The following ZFHX3 variants were observed in gnomAD, a reference collection of about 807,000 sequenced individuals.
The protein encoded by ZFHX3 is zinc finger homeobox protein 3.
ZFHX3 carries 42 observed loss-of-function variants against 279.1 expected under a neutral mutation model. The ratio of observed to expected loss-of-function variants is 0.15; its 90% confidence interval spans 0.12 to 0.19. The LOEUF is 0.19. Among genes scored for constraint, ZFHX3 ranks in the 10% least tolerant of loss-of-function variants. The pLI is 1.00. For missense variants in ZFHX3, 4,981 were observed against 4,754.0 expected (o/e 1.05, Z -1.40); for synonymous variants, 2,293 against 1,957.8 (o/e 1.17, Z -4.52).
intron 5 of ZFHX3, among the ~76,000 whole-genome samples, chr16:73,214,633 A>C (rs1466408291): frequency 2.0e-5 from 3 of 152,096 alleles, no homozygotes; most frequent in Non-Finnish European, 4.4e-5. Context: ...ATCTGAGTTC[A>C]CTTCCCATGT....
At chr16:72,983,704 C>T (rs1962720141) in intron 1 of ZFHX3, among the ~76,000 whole-genome samples, 1 of 148,420 alleles carries the variant, frequency 6.7e-6, no homozygotes, top group Non-Finnish European at 1.5e-5. Context: ...AAGATCTTGT[C>T]TCAGAAAAAA....
At chr16:73,034,944 A>T (rs1964845300) in intron 1 of ZFHX3, among the ~76,000 whole-genome samples, 1 of 152,136 alleles carries the variant, frequency 6.6e-6, no homozygotes, top group East Asian at 1.9e-4. Context: ...TTCCCCAGTA[A>T]ATGCAAGCAG....
chr16:73,437,147 T>C (rs191734009), intron 3 of ZFHX3, among the ~76,000 whole-genome samples: 1 of 152,244 alleles, frequency 6.6e-6, no homozygotes, highest in Non-Finnish European at 1.5e-5. Context: ...GCAAAAGTAA[T>C]TGAGGGTTTT....
intron 4 of ZFHX3, chr16:73,294,127 T>TTTTATTTA (rs1411707364): frequency 6.6e-6 from 1 of 152,182 alleles, no homozygotes; most frequent in African/African-American, 2.4e-5. Flanking sequence ...GCTTGTTGTG[T>TTTTATTTA]TGGGATATTT....
At chr16:73,143,547 C>T (rs1052807826) in intron 6 of ZFHX3, among the ~76,000 whole-genome samples, 6 of 152,184 alleles carry the variant, frequency 3.9e-5, no homozygotes, top group Admixed American at 2.6e-4. Context: ...AGAAATACGG[C>T]CCGAAAAATG....
chr16:73,092,013 A>G (rs889519548), intron 8 of ZFHX3, among the ~76,000 whole-genome samples: 3 of 152,264 alleles, frequency 2.0e-5, no homozygotes, highest in Non-Finnish European at 2.9e-5. Flanking sequence ...ATTGTTGAAC[A>G]TAGTGATGTA....
chr16:73,247,869 G>A (rs1284951420), intron 5 of ZFHX3, among the ~76,000 whole-genome samples: 1 of 152,066 alleles, frequency 6.6e-6, no homozygotes, highest in Non-Finnish European at 1.5e-5. Context: ...TGTATGCGGA[G>A]TGTATAAGTG....
At chr16:73,735,051 A>G (rs2053598131) in intron 1 of ZFHX3, among the ~76,000 whole-genome samples, 1 of 152,208 alleles carries the variant, frequency 6.6e-6, no homozygotes, top group Non-Finnish European at 1.5e-5. Context: ...TTAAATGGTG[A>G]TAAAAGACAC....
upstream of ZFHX3, among the ~76,000 whole-genome samples, chr16:73,051,018 T>G (rs1965439756): frequency 6.6e-6 from 1 of 152,184 alleles, no homozygotes; most frequent in African/African-American, 2.4e-5. Context: ...TCTCTACACA[T>G]ACACACTTAC....
intron 5 of ZFHX3, among the ~76,000 whole-genome samples, chr16:73,146,673 A>C (rs181240332): frequency 6.6e-6 from 1 of 151,708 alleles, no homozygotes; most frequent in African/African-American, 2.4e-5. Context: ...AATTATTATT[A>C]TTATTTTTTG....
intron 2 of ZFHX3, among the ~76,000 whole-genome samples, chr16:73,554,491 G>A (rs1420459996): frequency 6.6e-6 from 1 of 152,122 alleles, no homozygotes; most frequent in Non-Finnish European, 1.5e-5. Flanking sequence ...GCACTTAAAC[G>A]CGCTGTAGAC....
intron 3 of ZFHX3, among the ~76,000 whole-genome samples, chr16:72,940,851 T>C (rs1399943883): frequency 2.0e-5 from 3 of 152,242 alleles, no homozygotes; most frequent in African/African-American, 7.2e-5. Flanking sequence ...AGTTTGCCTT[T>C]TACAGAACCA....
At chr16:73,280,346 C>T (rs533224374) in intron 4 of ZFHX3, among the ~76,000 whole-genome samples, 2 of 151,990 alleles carry the variant, frequency 1.3e-5, no homozygotes, top group Non-Finnish European at 2.9e-5. Flanking sequence ...ATTTGCAAGC[C>T]ATATATCTGA....
intron 1 of ZFHX3, among the ~76,000 whole-genome samples, chr16:73,729,848 A>G (rs140816592): frequency 6.6e-6 from 1 of 152,302 alleles, no homozygotes; most frequent in East Asian, 1.9e-4. Flanking sequence ...AAGAATCTAG[A>G]CTTGCTTCCA....
At chr16:73,171,961 T>C (rs960693177) in intron 5 of ZFHX3, among the ~76,000 whole-genome samples, 2 of 152,142 alleles carry the variant, frequency 1.3e-5, no homozygotes, top group Non-Finnish European at 2.9e-5. Context: ...CCCATCAATA[T>C]GCACAATGAT....
chr16:73,031,377 T>C (rs1434100708), intron 1 of ZFHX3, among the ~76,000 whole-genome samples: 2 of 152,190 alleles, frequency 1.3e-5, no homozygotes, highest in Non-Finnish European at 2.9e-5. Context: ...CGAGTGTTTC[T>C]AGCCAGTAAC....
intron 5 of ZFHX3, among the ~76,000 whole-genome samples, chr16:73,233,473 GTT>G (rs2012843496): frequency 6.6e-6 from 1 of 152,186 alleles, no homozygotes; most frequent in Admixed American, 6.5e-5. Flanking sequence ...CTGATTCTCT[GTT>G]TGTCTGCAGA....
At chr16:73,435,181 T>C (rs2017974796) in intron 3 of ZFHX3, among the ~76,000 whole-genome samples, 1 of 152,118 alleles carries the variant, frequency 6.6e-6, no homozygotes, top group Admixed American at 6.6e-5. Flanking sequence ...AGTAGGTTTC[T>C]CAGGCTTGGG....
chr16:73,268,821 C>T (rs1363553743), intron 4 of ZFHX3, among the ~76,000 whole-genome samples: 4 of 152,162 alleles, frequency 2.6e-5, no homozygotes, highest in Admixed American at 2.6e-4. Context: ...ATCCCTGGGA[C>T]ATGCTTCCTA....
Sources: gnomAD v4.1 joint callset for allele counts (sites outside exome capture counted in the v4.1 genomes callset) on GRCh38, gnomAD v4.1.1 for gene constraint, MANE v1.5 for transcripts, NCBI Gene and HGNC (gene_info 2026-07-23, HGNC 2026-07-21) for gene names.